The following DOHH variants were observed in gnomAD, a reference collection of about 807,000 sequenced individuals.
DOHH encodes HEAT-like (PBS lyase) repeat containing 1.
DOHH carries 16 observed loss-of-function variants against 19.9 expected under a neutral mutation model. The observed-to-expected ratio is 0.80, with a 90% CI of 0.54 to 1.22. DOHH has a LOEUF of 1.22. DOHH is among the 50% of genes most tolerant of loss of function. DOHH has a pLI of 0.00. For synonymous variants in DOHH, 233 were observed against 217.0 expected (o/e 1.07, Z -0.65); for missense variants, 460 against 460.6 (o/e 1.00, Z 0.01).
chr19:3,494,434 G>A (rs752457802), intron 2 of DOHH, among the ~76,000 whole-genome samples: 8 of 152,250 alleles, frequency 5.3e-5, no homozygotes, highest in Non-Finnish European at 1.2e-4. Context: ...AAGAACCCAG[G>A]AGGTCGGGGG....
chr19:3,492,326 T>C lies in DOHH; in HGVS notation c.525A>G (p.Arg175=). The change falls in exon 4 of 5, where the codon CGA becomes CGG. Residue 175 remains arginine, a synonymous_variant. Coordinates refer to ENST00000427575, the MANE Select transcript of DOHH (RefSeq NM_001145165.2). ...LLDESRPLFE[R]YRAMFALRNA... ...TGCGCAGGGCGAACATGGCGCGGTA[T>C]CGCTCGAAGAGCGGCCGGGACTCAT... 6.5e-7 allele frequency: 1 copy of C among 1,545,442 alleles called. No individual in the cohort carries two copies.
rs1370809766 is a variant in DOHH, at chr19:3,492,446, G to A, written c.405C>T (p.His135=). Residue 135 remains histidine, a synonymous_variant, in exon 4 of 5, where the codon CAC becomes CAT. Coordinates refer to ENST00000427575, the MANE Select transcript of DOHH (RefSeq NM_001145165.2). Reference sequence around the variant, plus strand: ...AGGGTCCCGCCGCCGGCTCCCCGCCGTGCTGCTGCAGCCACTCCAGCCTGC... The same window carrying A: ...AGGGTCCCGCCGCCGGCTCCCCGCCATGCTGCTGCAGCCACTCCAGCCTGC... ...AVRRLEWLQQ[H]GGEPAAGPYL... 3.4e-6 allele frequency: 5 copies of A among 1,476,678 alleles called. No individual in the cohort carries two copies. The Admixed American group carries it at 7.1e-5, about 21-fold the overall frequency. The allele number at this position is 1,476,678 out of a possible 1,614,324, so 91.5% of individuals were successfully genotyped here.
At chr19:3,500,145 A>C (rs1022303670) in intron 1 of DOHH, among the ~76,000 whole-genome samples, 2 of 152,120 alleles carry the variant, frequency 1.3e-5, no homozygotes, top group African/African-American at 4.8e-5. Flanking sequence ...GCTTCATCTC[A>C]AGACAGGCTG....
In DOHH at chr19:3,491,270, T is replaced by C. The variant is rs1401187665; in HGVS notation, c.*222A>G. 12 of 594,216 alleles carry C rather than the reference T, an allele frequency of 2.0e-5. No homozygotes were observed. Among genetic ancestry groups the C allele is most frequent in the Admixed American group, 1.9e-4 (6 of 31,474 alleles). The allele number at this position is 594,216 out of a possible 1,614,324, so 36.8% of individuals were successfully genotyped here. ...ACCCCAAGCCTGGAAACTTCCACGCTACAGCCCTGCGCCAGGCCCCGAGGA... is the reference window on the plus strand; with the variant it reads ...ACCCCAAGCCTGGAAACTTCCACGCCACAGCCCTGCGCCAGGCCCCGAGGA... On this transcript the variant is annotated 3_prime_UTR_variant, in exon 5 of 5. Transcript: ENST00000427575. The surrounding 1 kb of genome is among the most constrained non-coding windows in gnomAD (Gnocchi z 5.6).
Position 3,492,187 on chromosome 19 carries a change from C to G in DOHH, c.589+75G>C, listed in dbSNP as rs772978009. ...CCGTTCCCGGGGGCAGGCCGCGGCC[C>G]CACTGCACAGATGCCATCACTGAAC... On this transcript the variant is annotated intron_variant, in intron 4 of 4. Coordinates refer to ENST00000427575, the MANE Select transcript of DOHH (RefSeq NM_001145165.2). The G allele has an allele frequency of 1.8e-5, 24 of 1,312,792 alleles. No homozygotes were observed. The East Asian group carries it at 7.1e-4, about 39-fold the overall frequency. The allele number at this position is 1,312,792 out of a possible 1,614,324, so 81.3% of individuals were successfully genotyped here. A position where few individuals can be genotyped will look rare whatever the true frequency, so the allele number is the denominator to read the frequency against.
intron 4 of DOHH, 148 bp downstream of exon 4, chr19:3,492,114 G>C: frequency 1.3e-6 from 1 of 798,888 alleles, no homozygotes; most frequent in Non-Finnish European, 1.8e-6. Flanking sequence ...CGCTTGCACG[G>C]GTTCTTAAGA....
At chr19:3,493,129 C>T (rs2082883098) in intron 3 of DOHH, among the ~76,000 whole-genome samples, 2 of 152,148 alleles carry the variant, frequency 1.3e-5, no homozygotes, top group East Asian at 1.9e-4. Flanking sequence ...CATGGGCCGT[C>T]CACACCACGG....
At position 3,491,806 on chromosome 19, in the gene DOHH, G is replaced by A; in HGVS notation, c.595C>T (p.His199Tyr). 6.8e-7 allele frequency: 1 copy of A among 1,474,552 alleles called. No homozygotes were observed. The highest frequency in any genetic ancestry group is 2.8e-5 in the Admixed American group (1 of 36,154). 91.3% of individuals were successfully genotyped at this position (1,474,552 alleles called of 1,614,324 possible). A position where few individuals can be genotyped will look rare whatever the true frequency, so the allele number is the denominator to read the frequency against. The part of the protein sequence containing the change: ...EAALALAEGL[H>Y]CGSALFRHEV... ...TGGCGGAAGAGGGCGCTCCCACAGT[G>A]CAGACCTGCAGGGGAGAGGGACACT... The change falls in exon 5 of 5, where the codon CAC becomes TAC. Residue 199 changes from histidine (H) to tyrosine (Y), a missense_variant. Physicochemically the swap from His to Tyr is moderately conservative, Grantham distance 83. Coordinates refer to ENST00000427575, the MANE Select transcript of DOHH (RefSeq NM_001145165.2). The surrounding 1 kb of genome is among the most constrained non-coding windows in gnomAD (Gnocchi z 5.6).
intron 1 of DOHH, among the ~76,000 whole-genome samples, chr19:3,498,993 G>T (rs935690107): frequency 1.3e-5 from 2 of 151,650 alleles, no homozygotes; most frequent in African/African-American, 4.9e-5. Context: ...TCAGTTACAT[G>T]TAGATGGAGA....
chr19:3,500,656 T>TG lies in DOHH; in HGVS notation c.-169dup, dbSNP rs2082944197. The TG allele has an allele frequency of 6.6e-6, 1 of 152,312 alleles. No homozygotes were observed. The highest frequency in any genetic ancestry group is 1.5e-5 in the Non-Finnish European group (1 of 68,086). 9.4% of individuals were successfully genotyped at this position (152,312 alleles called of 1,614,324 possible). A position where few individuals can be genotyped will look rare whatever the true frequency, so the allele number is the denominator to read the frequency against. On this transcript the variant is annotated 5_prime_UTR_variant, in exon 1 of 5. The change abolishes the stop of an existing upstream ORF in the 5' untranslated region. Coordinates refer to ENST00000427575, the MANE Select transcript of DOHH (RefSeq NM_001145165.2). ...CTGCCGCGACGCCCGCAGTGCGGTC[T>TG]GGGGGCCGCCATTTTCTCGCCCACG...
rs1337956700 is a variant in DOHH at position 3,490,972 on chromosome 19, CCT to C, written c.*518_*519del. 2 of 184,424 alleles carry C rather than the reference CCT, an allele frequency of 1.1e-5. No individual in the cohort carries two copies. Among genetic ancestry groups the C allele is most frequent in the East Asian group, 1.9e-4 (1 of 5,310 alleles). 11.4% of individuals were successfully genotyped at this position (184,424 alleles called of 1,614,324 possible). On this transcript the variant is annotated 3_prime_UTR_variant, in exon 5 of 5. Coordinates refer to ENST00000427575, the MANE Select transcript of DOHH (RefSeq NM_001145165.2). ...GTGGGGGAGTCAGAGGCCCCCAGAC[CCT>C]GTGTCCCATTCCTAGTGAAGCTGAA...
Position 3,496,433 on chromosome 19 carries a change from C to T in DOHH, c.274+108G>A. On this transcript the variant is annotated intron_variant, in intron 2 of 4. Coordinates refer to ENST00000427575, the MANE Select transcript of DOHH (RefSeq NM_001145165.2). This position sits in a 1 kb window ranked among gnomAD's most constrained non-coding sequence, Gnocchi z 4.8. Reference sequence around the variant, plus strand: ...ATTTACTATCTGGTGCTCTATGGGGCAGTTGACCACTCTGATATTTATCAC... The same window carrying T: ...ATTTACTATCTGGTGCTCTATGGGGTAGTTGACCACTCTGATATTTATCAC... 6.7e-7 allele frequency: 1 copy of T among 1,483,854 alleles called. No individual in the cohort carries two copies. The allele number at this position is 1,483,854 out of a possible 1,614,324, so 91.9% of individuals were successfully genotyped here. A position where few individuals can be genotyped will look rare whatever the true frequency, so the allele number is the denominator to read the frequency against.
intron 1 of DOHH, among the ~76,000 whole-genome samples, chr19:3,497,293 C>T (rs1319284277): frequency 1.3e-5 from 2 of 152,358 alleles, no homozygotes; most frequent in Non-Finnish European, 2.9e-5. Flanking sequence ...GAAGATGGAA[C>T]AGAGCAAGAC....
At position 3,491,089 on chromosome 19, in the gene DOHH, TTGGCTTCCCTCGCGATCCTCCCC is replaced by T. The variant is rs754396765; in HGVS notation, c.*380_*402del. On this transcript the variant is annotated 3_prime_UTR_variant, in exon 5 of 5. Transcript: ENST00000427575. The surrounding 1 kb of genome is among the most constrained non-coding windows in gnomAD (Gnocchi z 5.6). ...CCCTGGCTCCCCTCGCGATCCTCCC[TTGGCTTCCCTCGCGATCCTCCCC>T]TGGCTTCCCTCGCGATCCTCCCCTG... The T allele has an allele frequency of 1.8e-4, 34 of 190,864 alleles. No homozygotes were observed. Among genetic ancestry groups the T allele is most frequent in the East Asian group, 1.1e-3 (6 of 5,440 alleles). 11.8% of individuals were successfully genotyped at this position (190,864 alleles called of 1,614,324 possible).
chr19:3,496,250 G>A lies in DOHH; in HGVS notation c.274+291C>T, dbSNP rs534243118. Among the ~76,000 whole-genome samples, 15 of 152,220 alleles carry A rather than the reference G, an allele frequency of 9.9e-5. No homozygotes were observed. In the South Asian group the frequency reaches 2.5e-3, roughly 25 times the overall value. On this transcript the variant is annotated intron_variant, in intron 2 of 4. Transcript: ENST00000427575. The surrounding 1 kb of genome is among the most constrained non-coding windows in gnomAD (Gnocchi z 4.8). ...TGGTCTTGAACTCCTGAGTTCAAAC[G>A]ATCCACCTTCCTGGGCCTCCCAAAG...
intron 3 of DOHH, 65 bp from the exon 4 acceptor site, chr19:3,492,564 C>A: frequency 8.0e-7 from 1 of 1,250,388 alleles, no homozygotes. Context: ...TTCCCCACCC[C>A]CCGGGATGGC....
At chr19:3,493,879 C>A in intron 3 of DOHH, 149 bp downstream of exon 3, 1 of 668,126 alleles carries the variant, frequency 1.5e-6, no homozygotes, top group South Asian at 2.1e-5. Flanking sequence ...TCGCCTTCCT[C>A]ATCCCTGGGG....
Position 3,491,958 on chromosome 19 carries a change from C to A in DOHH, c.590-147G>T. 2 of 973,296 alleles carry A rather than the reference C, an allele frequency of 2.1e-6. No individual in the cohort carries two copies. Among genetic ancestry groups the A allele is most frequent in the South Asian group, 3.8e-5 (2 of 52,758 alleles). 60.3% of individuals were successfully genotyped at this position (973,296 alleles called of 1,614,324 possible). On this transcript the variant is annotated intron_variant, in intron 4 of 4. Coordinates refer to ENST00000427575, the MANE Select transcript of DOHH (RefSeq NM_001145165.2). The surrounding 1 kb of genome is among the most constrained non-coding windows in gnomAD (Gnocchi z 5.6). ...ATCCCGGCCTCCCAAAGTGCTGGGACGACAGGCGTGAGCCACCACGCCCAA... is the reference window on the plus strand; with the variant it reads ...ATCCCGGCCTCCCAAAGTGCTGGGAAGACAGGCGTGAGCCACCACGCCCAA...
chr19:3,491,733 G>A lies in DOHH; in HGVS notation c.668C>T (p.Pro223Leu), dbSNP rs1031622115. The A allele has an allele frequency of 8.2e-5, 123 of 1,506,464 alleles. No individual in the cohort carries two copies. The highest frequency in any genetic ancestry group is 1.1e-4 in the Non-Finnish European group (121 of 1,131,564). 93.3% of individuals were successfully genotyped at this position (1,506,464 alleles called of 1,614,324 possible). A position where few individuals can be genotyped will look rare whatever the true frequency, so the allele number is the denominator to read the frequency against. The change falls in exon 5 of 5, where the codon CCC becomes CTC. Residue 223 changes from proline (P) to leucine (L), a missense_variant. Physicochemically the swap from Pro to Leu is moderately conservative, Grantham distance 98. Transcript: ENST00000427575. This position sits in a 1 kb window ranked among gnomAD's most constrained non-coding sequence, Gnocchi z 5.6. ...LGQLQHEAAVPQLAAALARCT... is the reference protein window; with the variant it reads ...LGQLQHEAAVLQLAAALARCT... ...TCGGGCCAGGGCGGCCGCCAGCTGG[G>A]GCACCGCCGCCTCGTGCTGCAGCTG...
Sources: gnomAD v4.1 joint callset for allele counts (sites outside exome capture counted in the v4.1 genomes callset) on GRCh38, gnomAD v4.1.1 for gene constraint, Gnocchi (gnomAD v3.1) non-coding constraint, MANE v1.5 for transcripts, NCBI Gene and HGNC (gene_info 2026-07-23, HGNC 2026-07-21) for gene names.